The following PIKFYVE variants were observed in gnomAD, a reference collection of about 807,000 sequenced individuals.
PIKFYVE encodes the protein 1-phosphatidylinositol 3-phosphate 5-kinase.
A neutral mutation model predicts 257.9 loss-of-function variants in PIKFYVE; 122 were observed. That is an observed-to-expected ratio of 0.47 (90% confidence interval 0.41 to 0.55). The LOEUF is 0.55. Ranked by LOEUF, PIKFYVE falls within the 20% of genes least tolerant of loss-of-function variation. The pLI, the probability that PIKFYVE is intolerant of heterozygous loss-of-function variation, is 0.00. For synonymous variants in PIKFYVE, 892 were observed against 868.9 expected (o/e 1.03, Z -0.47); for missense variants, 2,160 against 2,536.6 (o/e 0.85, Z 3.19).
chr2:208,287,974 T>A (rs1454048291), intron 6 of PIKFYVE, among the ~76,000 whole-genome samples: 1 of 152,220 alleles, frequency 6.6e-6, no homozygotes, highest in East Asian at 1.9e-4. Flanking sequence ...TTATAAATTT[T>A]AAAAATTGAT....
In PIKFYVE at chr2:208,351,046, A is replaced by G; in HGVS notation, c.5611+99A>G. 2.7e-6 allele frequency: 4 copies of G among 1,457,528 alleles called. No individual in the cohort carries two copies. The East Asian group carries it at 9.4e-5, about 34-fold the overall frequency. The allele number at this position is 1,457,528 out of a possible 1,614,324, so 90.3% of individuals were successfully genotyped here. On this transcript the variant is annotated intron_variant, in intron 37 of 41. Coordinates refer to ENST00000264380, the MANE Select transcript of PIKFYVE (RefSeq NM_015040.4). Reference sequence around the variant, plus strand: ...GATATTGCTTAATAAGAACTTTCATAACTATGACTTACTAGTTTTAACAGA... The same window carrying G: ...GATATTGCTTAATAAGAACTTTCATGACTATGACTTACTAGTTTTAACAGA...
At chr2:208,288,089 T>C (rs1447750901) in intron 6 of PIKFYVE, among the ~76,000 whole-genome samples, 1 of 152,234 alleles carries the variant, frequency 6.6e-6, no homozygotes, top group Non-Finnish European at 1.5e-5. Context: ...AATGGGCAGA[T>C]GTGATTTAAC....
At position 208,312,260 on chromosome 2, in the gene PIKFYVE, G is replaced by A; in HGVS notation, c.1661G>A (p.Gly554Glu). 6.2e-7 allele frequency: 1 copy of A among 1,611,886 alleles called. No individual in the cohort carries two copies. The highest frequency in any genetic ancestry group is 2.2e-5 in the East Asian group (1 of 44,806). The change falls in exon 13 of 42, where the codon GGA (glycine) becomes GAA (glutamate). Residue 554 changes from glycine to glutamate, a missense_variant. By Grantham distance (98) the Gly-to-Glu change is moderately conservative. Around this residue, in one of 12 missense-constraint regions of PIKFYVE, gnomAD observed 346 missense variants for 365.6 expected, o/e 0.95. Transcript: ENST00000264380. ...GAGTATTTGATTTCTGACACTGGAG[G>A]ACAACAGCTCTCAATAAGTGACGCT... ...QKEYLISDTG[G>E]QQLSISDAFI... is the part of the protein sequence containing the mutation.
chr2:208,267,811 C>G (rs1166477855), intron 1 of PIKFYVE, among the ~76,000 whole-genome samples: 2 of 152,056 alleles, frequency 1.3e-5, no homozygotes, highest in Non-Finnish European at 2.9e-5. Flanking sequence ...GGGGGTCTCC[C>G]TCCCTCGCCC....
rs1209915865 is a variant in PIKFYVE at position 208,336,122 on chromosome 2, A to G, written c.4442A>G (p.Gln1481Arg). The change falls in exon 27 of 42, where the codon CAG becomes CGG. Residue 1481 changes from glutamine (Q) to arginine (R), a missense_variant. Gln to Arg is a conservative substitution (Grantham distance 43, BLOSUM62 1). Around this residue, in one of 12 missense-constraint regions of PIKFYVE, gnomAD observed 699 missense variants for 855.8 expected, o/e 0.82. Coordinates refer to ENST00000264380, the MANE Select transcript of PIKFYVE (RefSeq NM_015040.4). ...ATGTCTTCCTCTGTAGATACCCCTC[A>G]GCAACTGCAGTCGGTCTTTGAGTCA... ...RLMSSSVDTP[Q>R]QLQSVFESLI... The G allele has an allele frequency of 6.2e-7, 1 of 1,613,990 alleles. No individual in the cohort carries two copies. Among genetic ancestry groups the G allele is most frequent in the Non-Finnish European group, 8.5e-7 (1 of 1,179,972 alleles).
rs191652232 is a variant in PIKFYVE, at chr2:208,329,560, C to T, written c.3720-282C>T. ...AAGCCTTTGTAAAGGAAACCTTTACCTCTTCTTAACTCAGATCAGTTTTAC... is the reference window on the plus strand; with the variant it reads ...AAGCCTTTGTAAAGGAAACCTTTACTTCTTCTTAACTCAGATCAGTTTTAC... On this transcript the variant is annotated intron_variant, in intron 21 of 41. Transcript: ENST00000264380. Among the ~76,000 whole-genome samples the T allele has an allele frequency of 2.6e-5, 4 of 152,258 alleles. No homozygotes were observed. The East Asian group carries it at 5.8e-4, about 22-fold the overall frequency.
Position 208,356,125 on chromosome 2 carries a change from G to T in PIKFYVE, c.*820G>T, listed in dbSNP as rs569550240. On this transcript the variant is annotated 3_prime_UTR_variant, in exon 42 of 42. Coordinates refer to ENST00000264380, the MANE Select transcript of PIKFYVE (RefSeq NM_015040.4). ...TAAATCATTAGTAAATGAGTCTGTAGTTACTAAACCCTAATGGAATAATTA... is the reference window on the plus strand; with the variant it reads ...TAAATCATTAGTAAATGAGTCTGTATTTACTAAACCCTAATGGAATAATTA... 6.6e-6 allele frequency: 1 copy of T among 152,016 alleles called. No individual in the cohort carries two copies. 9.4% of individuals were successfully genotyped at this position (152,016 alleles called of 1,614,324 possible).
At chr2:208,276,914 T>G (rs1690182171) in intron 4 of PIKFYVE, 84 bp downstream of exon 4, 1 of 1,130,190 alleles carries the variant, frequency 8.8e-7, no homozygotes, top group Non-Finnish European at 1.3e-6. Flanking sequence ...TTAATGCCAC[T>G]GAAAGAAAGC....
intron 7 of PIKFYVE, among the ~76,000 whole-genome samples, chr2:208,292,010 T>A (rs1692374932): frequency 6.6e-6 from 1 of 152,184 alleles, no homozygotes; most frequent in Non-Finnish European, 1.5e-5. Context: ...TTTCATTTAG[T>A]TACAAATATT....
intron 20 of PIKFYVE, among the ~76,000 whole-genome samples, chr2:208,327,683 G>A (rs990108976): frequency 6.6e-6 from 1 of 152,168 alleles, no homozygotes; most frequent in Non-Finnish European, 1.5e-5. Context: ...AGTAGAATCA[G>A]GAGGAGCAGT....
chr2:208,310,952 G>A (rs969061742), intron 12 of PIKFYVE, among the ~76,000 whole-genome samples: 1 of 152,128 alleles, frequency 6.6e-6, no homozygotes, highest in Non-Finnish European at 1.5e-5. Flanking sequence ...TGGCTATAGA[G>A]AAGAATACCT....
intron 32 of PIKFYVE, among the ~76,000 whole-genome samples, chr2:208,342,899 G>T (rs943065203): frequency 6.7e-6 from 1 of 149,410 alleles, no homozygotes; most frequent in African/African-American, 2.5e-5. Context: ...GGTTCAAGCA[G>T]TTCTCCTGCC....
At position 208,326,027 on chromosome 2, in the gene PIKFYVE, G is replaced by A; in HGVS notation, c.3216G>A (p.Gly1072=). 6.2e-7 allele frequency: 1 copy of A among 1,614,152 alleles called. No homozygotes were observed. Among genetic ancestry groups the A allele is most frequent in the African/African-American group, 1.3e-5 (1 of 75,028 alleles). The change falls in exon 20 of 42, where the codon GGG becomes GGA. Residue 1072 remains glycine, a synonymous_variant. Transcript: ENST00000264380. ...FREPFLLTEK[G]MRCSTRDYFA... is the part of the protein sequence containing the mutation. Reference sequence around the variant, plus strand: ...AACCCTTTCTTTTAACTGAAAAGGGGATGAGATGCTCTACCCGAGATTATT... The same window carrying A: ...AACCCTTTCTTTTAACTGAAAAGGGAATGAGATGCTCTACCCGAGATTATT...
chr2:208,302,957 C>T (rs973767342), intron 10 of PIKFYVE, among the ~76,000 whole-genome samples: 2 of 151,944 alleles, frequency 1.3e-5, no homozygotes, highest in African/African-American at 4.8e-5. Context: ...TGGTGGACAC[C>T]TGTGGTTCCA....
chr2:208,325,426 T>G lies in PIKFYVE; in HGVS notation c.2615T>G (p.Phe872Cys). ...TATCATTCTCAACTAGAAATATCCT[T>G]TCTCATGGATGAATTTGCTATGCCT... ...VAYHSQLEISFLMDEFAMPPT... is the reference protein window; with the variant it reads ...VAYHSQLEISCLMDEFAMPPT... The change falls in exon 20 of 42, where the codon TTT becomes TGT. Residue 872 changes from phenylalanine to cysteine, a missense_variant. Physicochemically the swap from Phe to Cys is radical, Grantham distance 205. This residue lies in a region of PIKFYVE where 522 missense variants were observed against 514.6 expected (regional missense o/e 1.01). Transcript: ENST00000264380. 6.2e-7 allele frequency: 1 copy of G among 1,614,170 alleles called. No individual in the cohort carries two copies. The highest frequency in any genetic ancestry group is 8.5e-7 in the Non-Finnish European group (1 of 1,180,020).
At chr2:208,343,932 C>T (rs1270272556) in intron 32 of PIKFYVE, among the ~76,000 whole-genome samples, 1 of 151,384 alleles carries the variant, frequency 6.6e-6, no homozygotes, top group East Asian at 1.9e-4. Context: ...CCGGGTTTCA[C>T]GCCGTTCTCC....
rs745633971 is a variant in PIKFYVE at position 208,320,373 on chromosome 2, A to G, written c.2190+14A>G. The G allele has an allele frequency of 6.2e-7, 1 of 1,609,952 alleles. No homozygotes were observed. Among genetic ancestry groups the G allele is most frequent in the East Asian group, 2.2e-5 (1 of 44,632 alleles). On this transcript the variant is annotated intron_variant, in intron 17 of 41. Coordinates refer to ENST00000264380, the MANE Select transcript of PIKFYVE (RefSeq NM_015040.4). The stretch of plus-strand genomic sequence containing the variant: ...ATTGTGCTTCAGGTAAGAATTTACT[A>G]CTGAAAATAATAATTTAGAGGGATG...
intron 2 of PIKFYVE, 91 bp from the exon 3 acceptor site, chr2:208,273,493 G>T: frequency 6.8e-7 from 1 of 1,466,366 alleles, no homozygotes. Context: ...TATAATACAT[G>T]CATACATTGT....
chr2:208,287,531 C>T (rs1691744564), intron 6 of PIKFYVE, among the ~76,000 whole-genome samples: 1 of 151,604 alleles, frequency 6.6e-6, no homozygotes, highest in South Asian at 2.1e-4. Context: ...GCCTCGGCCT[C>T]CCAAAGGGCT....
Sources: allele counts gnomAD v4.1 joint callset (sites outside exome capture counted in the v4.1 genomes callset), GRCh38; gene constraint gnomAD v4.1.1; regional missense constraint gnomAD v4.1.1; transcripts MANE v1.5; gene names NCBI Gene and HGNC (gene_info 2026-07-23, HGNC 2026-07-21).